FSIP2: variants seen among roughly 807,000 people sequenced by gnomAD.
FSIP2 encodes fibrous sheath interacting protein 2, also known as fibrous sheath-interacting protein 2.
FSIP2 carries 367 observed loss-of-function variants against 510.5 expected under a neutral mutation model. The ratio of observed to expected loss-of-function variants is 0.72; its 90% CI spans 0.66 to 0.78. The LOEUF (loss-of-function observed/expected upper bound fraction) is 0.78. Ranked by LOEUF, FSIP2 falls within the 30% of genes least tolerant of loss-of-function variation. The pLI is 0.00. For missense variants in FSIP2, 7,594 were observed against 7,901.7 expected, an observed-to-expected ratio of 0.96 and a Z score of 1.48; for synonymous variants, 2,601 against 2,732.2, an observed-to-expected ratio of 0.95 and a Z score of 1.50.
chr2:185,739,234 A>G (rs1328707943), intron 1 of FSIP2, 112 bp from the exon 2 acceptor site: 1 of 1,261,584 alleles, frequency 7.9e-7, no homozygotes, highest in Admixed American at 2.9e-5. Flanking sequence ...GATGCCCCGA[A>G]CCCTGATTGT....
At chr2:185,827,577 T>C (rs933605446) in intron 20 of FSIP2, among the ~76,000 whole-genome samples, 3 of 151,862 alleles carry the variant, frequency 2.0e-5, no homozygotes, top group African/African-American at 7.2e-5. Flanking sequence ...TTCTACCTCC[T>C]TGCCTGAATT....
rs1693228996 is a variant in FSIP2, at chr2:185,794,803, C to T, written c.7667C>T (p.Thr2556Ile). 2 of 1,532,496 alleles carry T rather than the reference C, an allele frequency of 1.3e-6. No homozygotes were observed. Among genetic ancestry groups the T allele is most frequent in the Admixed American group, 3.9e-5 (2 of 50,800 alleles). 94.9% of individuals were successfully genotyped at this position (1,532,496 alleles called of 1,614,324 possible). ...GGGAAAATGTACTTGGTAGTTGTGA[C>T]ATCATTATATGAAAATAATAAAAGT... ...VLGKMYLVVV[T>I]SLYENNKSRT... is the part of the protein sequence containing the mutation. Residue 2556 changes from threonine to isoleucine, a missense_variant, in exon 16 of 23, where the codon ACA becomes ATA. Coordinates refer to ENST00000424728, the MANE Select transcript of FSIP2 (RefSeq NM_173651.4).
intron 8 of FSIP2, 124 bp downstream of exon 8, chr2:185,753,966 G>A (rs1574156717): frequency 1.7e-6 from 1 of 605,130 alleles, no homozygotes; most frequent in Non-Finnish European, 2.6e-6. Flanking sequence ...ATTGTTCTAG[G>A]CATTTCTGTA....
intron 14 of FSIP2, among the ~76,000 whole-genome samples, chr2:185,785,104 A>G (rs1692939490): frequency 6.6e-6 from 1 of 151,958 alleles, no homozygotes. Flanking sequence ...TTTTGTGCCA[A>G]TGATATAACA....
chr2:185,809,273 A>C, intron 17 of FSIP2, 140 bp downstream of exon 17: 1 of 887,900 alleles, frequency 1.1e-6, no homozygotes, highest in Non-Finnish European at 1.6e-6. Context: ...TAGTTGCATC[A>C]GTTCATCCAT....
rs1470163269 is a variant in FSIP2, at chr2:185,794,310, ATTG to A, written c.7178_7180del (p.Val2393del). On this transcript the variant is annotated inframe_deletion, in exon 16 of 23. Coordinates refer to ENST00000424728, the MANE Select transcript of FSIP2 (RefSeq NM_173651.4). ...CCAAGAAAACATCATTGTGAGTGAA[ATTG>A]TTGACAGTATGTTAAAGATGTTAGA... The A allele has an allele frequency of 1.3e-6, 2 of 1,523,724 alleles. No homozygotes were observed. Among genetic ancestry groups the A allele is most frequent in the African/African-American group, 2.8e-5 (2 of 72,364 alleles). 94.4% of individuals were successfully genotyped at this position (1,523,724 alleles called of 1,614,324 possible).
chr2:185,752,019 T>G (rs907231634), intron 7 of FSIP2, among the ~76,000 whole-genome samples: 1 of 151,386 alleles, frequency 6.6e-6, no homozygotes, highest in Non-Finnish European at 1.5e-5. Flanking sequence ...TTAAAATTTT[T>G]TATGCTCTTC....
In FSIP2 at chr2:185,747,498, A is replaced by G. The variant is rs547138962; in HGVS notation, c.870+75A>G. ...GTTTTGGTTTTTTGAAGTACAAATC[A>G]CTTTGTGAGATGACTGTTGCCCAGT... On this transcript the variant is annotated intron_variant, in intron 7 of 22. Coordinates refer to ENST00000424728, the MANE Select transcript of FSIP2 (RefSeq NM_173651.4). The G allele has an allele frequency of 6.1e-5, 45 of 737,710 alleles. No homozygotes were observed. In the South Asian group the frequency reaches 7.1e-4, roughly 12 times the overall value. 45.7% of individuals were successfully genotyped at this position (737,710 alleles called of 1,614,324 possible). A position where few individuals can be genotyped will look rare whatever the true frequency, so the allele number is the denominator to read the frequency against.
intron 13 of FSIP2, among the ~76,000 whole-genome samples, chr2:185,778,086 AATGT>A (rs976828128): frequency 6.6e-6 from 1 of 151,888 alleles, no homozygotes; most frequent in East Asian, 1.9e-4. Flanking sequence ...TTTTTTTATA[AATGT>A]ATTTAATTCA....
rs1361503668 is a variant in FSIP2, at chr2:185,743,217, C to T, written c.310C>T (p.His104Tyr). The T allele has an allele frequency of 6.5e-7, 1 of 1,528,450 alleles. No individual in the cohort carries two copies. Among genetic ancestry groups the T allele is most frequent in the East Asian group, 2.5e-5 (1 of 40,566 alleles). The allele number at this position is 1,528,450 out of a possible 1,614,324, so 94.7% of individuals were successfully genotyped here. The change falls in exon 3 of 23, where the codon CAT becomes TAT. Residue 104 changes from histidine to tyrosine, a missense_variant. Transcript: ENST00000424728. ...ENQYKSLHDP[H>Y]LKAYYKRKDI... ...CCAATATAAAAGCCTCCATGATCCA[C>T]ATTTAAAAGCATACTATAAGCGCAA...
chr2:185,806,962 T>A lies in FSIP2; in HGVS notation c.17656T>A (p.Ser5886Thr). Residue 5886 changes from serine to threonine, a missense_variant, in exon 17 of 23, where the codon TCT becomes ACT. Physicochemically the swap from Ser to Thr is moderately conservative, Grantham distance 58 (BLOSUM62 1). Transcript: ENST00000424728. ...AGCACCATCCAGCATTAAGATAAAATCTGCAGATAAAATGCCACCTATGCA... is the reference window on the plus strand; with the variant it reads ...AGCACCATCCAGCATTAAGATAAAAACTGCAGATAAAATGCCACCTATGCA... ...DEAPSSIKIKSADKMPPMHKM... is the reference protein window; with the variant it reads ...DEAPSSIKIKTADKMPPMHKM... The A allele has an allele frequency of 6.2e-7, 1 of 1,611,136 alleles. No individual in the cohort carries two copies. Among genetic ancestry groups the A allele is most frequent in the South Asian group, 1.1e-5 (1 of 90,720 alleles).
intron 13 of FSIP2, among the ~76,000 whole-genome samples, chr2:185,772,927 C>T (rs1692637037): frequency 6.6e-6 from 1 of 151,690 alleles, no homozygotes; most frequent in African/African-American, 2.4e-5. Flanking sequence ...GTGGCATGAT[C>T]TCAGCTCACT....
chr2:185,805,145 T>A lies in FSIP2; in HGVS notation c.15839T>A (p.Ile5280Lys). The A allele has an allele frequency of 6.2e-7, 1 of 1,609,974 alleles. No individual in the cohort carries two copies. Among genetic ancestry groups the A allele is most frequent in the Non-Finnish European group, 8.5e-7 (1 of 1,177,710 alleles). Residue 5280 changes from isoleucine to lysine, a missense_variant, in exon 17 of 23, where the codon ATA becomes AAA. Ile to Lys is a moderately radical substitution (Grantham distance 102). Coordinates refer to ENST00000424728, the MANE Select transcript of FSIP2 (RefSeq NM_173651.4). Reference sequence around the variant, plus strand: ...TATTCAGCTACATTTTTGGAAGACATAATCATTGACCTTGTTCACAAATTT... The same window carrying A: ...TATTCAGCTACATTTTTGGAAGACAAAATCATTGACCTTGTTCACAAATTT... ...SLYSATFLED[I>K]IIDLVHKFCS...
chr2:185,816,829 C>T (rs1198370544), intron 19 of FSIP2, among the ~76,000 whole-genome samples: 1 of 147,584 alleles, frequency 6.8e-6, no homozygotes, highest in African/African-American at 2.5e-5. Flanking sequence ...GCACTTTAGC[C>T]TAGGTAACAG....
intron 19 of FSIP2, among the ~76,000 whole-genome samples, chr2:185,821,590 G>A (rs1350549762): frequency 1.3e-5 from 2 of 151,628 alleles, no homozygotes; most frequent in African/African-American, 4.8e-5. Context: ...TGACCAAGTC[G>A]GTTTTATCCC....
chr2:185,804,243 G>A lies in FSIP2; in HGVS notation c.14937G>A (p.Leu4979=), dbSNP rs751752941. Residue 4979 remains leucine (L), a synonymous_variant, in exon 17 of 23, where the codon CTG becomes CTA. Transcript: ENST00000424728. ...CTGAAAATCCAGATAGAGTGAAACT[G>A]AAACTTACCAGGATTGTTACAACAT... is the stretch of plus-strand genomic sequence containing the variant. The part of the protein sequence containing the change: ...LVTENPDRVK[L]KLTRIVTTLV... 6.5e-7 allele frequency: 1 copy of A among 1,528,434 alleles called. No homozygotes were observed. Among genetic ancestry groups the A allele is most frequent in the South Asian group, 1.2e-5 (1 of 82,572 alleles). The allele number at this position is 1,528,434 out of a possible 1,614,324, so 94.7% of individuals were successfully genotyped here.
At position 185,793,538 on chromosome 2, in the gene FSIP2, C is replaced by T; in HGVS notation, c.6402C>T (p.Phe2134=). 1 of 1,534,154 alleles carries T rather than the reference C, an allele frequency of 6.5e-7. No individual in the cohort carries two copies. The highest frequency in any genetic ancestry group is 1.2e-5 in the South Asian group (1 of 84,006). The change falls in exon 16 of 23, where the codon TTC becomes TTT. Residue 2134 remains phenylalanine (F), a synonymous_variant. Transcript: ENST00000424728. ...DKHSEENSEM[F]MEGANKIIPK... Reference sequence around the variant, plus strand: ...ATTCAGAAGAAAATTCTGAAATGTTCATGGAGGGTGCAAATAAGATTATTC... The same window carrying T: ...ATTCAGAAGAAAATTCTGAAATGTTTATGGAGGGTGCAAATAAGATTATTC...
chr2:185,792,381 A>G lies in FSIP2; in HGVS notation c.5245A>G (p.Lys1749Glu). ...DERSPQREEV[K>E]TRSLKQWALE... ...GAGATCCCCACAAAGAGAAGAAGTG[A>G]AAACACGTTCTCTTAAACAATGGGC... The change falls in exon 16 of 23, where the codon AAA (lysine) becomes GAA (glutamate). Residue 1749 changes from lysine (K) to glutamate (E), a missense_variant. Coordinates refer to ENST00000424728, the MANE Select transcript of FSIP2 (RefSeq NM_173651.4). The G allele has an allele frequency of 6.5e-7, 1 of 1,532,708 alleles. No homozygotes were observed. Among genetic ancestry groups the G allele is most frequent in the South Asian group, 1.2e-5 (1 of 83,574 alleles). The allele number at this position is 1,532,708 out of a possible 1,614,324, so 94.9% of individuals were successfully genotyped here.
chr2:185,792,176 G>A lies in FSIP2; in HGVS notation c.5040G>A (p.Lys1680=). 1 of 1,532,136 alleles carries A rather than the reference G, an allele frequency of 6.5e-7. No individual in the cohort carries two copies. The highest frequency in any genetic ancestry group is 8.7e-7 in the Non-Finnish European group (1 of 1,144,648). 94.9% of individuals were successfully genotyped at this position (1,532,136 alleles called of 1,614,324 possible). Reference sequence around the variant, plus strand: ...CACCACCTGAGACTCAAATACTTAAGTATGTAGTCAAGTTAATTTTAGATG... The same window carrying A: ...CACCACCTGAGACTCAAATACTTAAATATGTAGTCAAGTTAATTTTAGATG... ...ENPPPETQIL[K]YVVKLILDAV... Residue 1680 remains lysine, a synonymous_variant, in exon 16 of 23, where the codon AAG becomes AAA. Transcript: ENST00000424728.
Sources: allele counts gnomAD v4.1 joint callset (sites outside exome capture counted in the v4.1 genomes callset), GRCh38; gene constraint gnomAD v4.1.1; transcripts MANE v1.5; gene names NCBI Gene and HGNC (gene_info 2026-07-23, HGNC 2026-07-21).